Variants in COG5 observed in about 807,000 individuals in gnomAD.
The protein encoded by COG5 is conserved oligomeric Golgi complex subunit 5.
Under a neutral mutation model 110.4 loss-of-function variants are expected in COG5, and 86 were observed. That is an observed-to-expected ratio of 0.78 (90% CI 0.65 to 0.93). The LOEUF (loss-of-function observed/expected upper bound fraction) is 0.93. Ranked by LOEUF, COG5 falls within the 40% of genes least tolerant of loss-of-function variation. The probability of loss-of-function intolerance (pLI) is 0.00; values close to 1 mark genes in which losing one functional copy is unlikely to be tolerated. For synonymous variants in COG5, 360 were observed against 334.6 expected (o/e 1.08, Z -0.83); for missense variants, 1,077 against 987.0 (o/e 1.09, Z -1.22).
chr7:107,427,248 G>A (rs551547556), intron 6 of COG5, among the ~76,000 whole-genome samples: 6 of 152,248 alleles, frequency 3.9e-5, no homozygotes, highest in African/African-American at 9.6e-5. Flanking sequence ...AAACTACCAC[G>A]GACTTCAAGA....
At chr7:107,272,963 G>A (rs1193159660) in intron 14 of COG5, among the ~76,000 whole-genome samples, 1 of 152,166 alleles carries the variant, frequency 6.6e-6, no homozygotes, top group Non-Finnish European at 1.5e-5. Context: ...ATACTCAAAT[G>A]CAGAGTTTTA....
chr7:107,548,056 A>G lies in COG5; in HGVS notation c.417+55T>C, dbSNP rs973332482. ...AAACTCATACTCTTAAATTTTGTCC[A>G]CTTATGAAAACAAAATGAATAATAA... is the stretch of plus-strand genomic sequence containing the variant. On this transcript the variant is annotated intron_variant, in intron 5 of 21. Transcript: ENST00000297135. 9.0e-6 allele frequency: 13 copies of G among 1,438,182 alleles called. No individual in the cohort carries two copies. In the East Asian group the frequency reaches 1.4e-4, roughly 16 times the overall value. 89.1% of individuals were successfully genotyped at this position (1,438,182 alleles called of 1,614,324 possible). A position where few individuals can be genotyped will look rare whatever the true frequency, so the allele number is the denominator to read the frequency against.
intron 10 of COG5, among the ~76,000 whole-genome samples, chr7:107,340,460 C>A (rs1030314910): frequency 2.6e-5 from 4 of 152,010 alleles, no homozygotes; most frequent in Non-Finnish European, 5.9e-5. Context: ...GGGCTGGCAC[C>A]AATACTACTG....
intron 17 of COG5, among the ~76,000 whole-genome samples, chr7:107,239,877 G>C (rs779512342): frequency 5.9e-5 from 9 of 152,102 alleles, no homozygotes; most frequent in Non-Finnish European, 1.2e-4. Flanking sequence ...GTTCAGACTT[G>C]GTTTGTGGCC....
At chr7:107,246,593 A>C (rs1294308571) in intron 17 of COG5, among the ~76,000 whole-genome samples, 1 of 152,146 alleles carries the variant, frequency 6.6e-6, no homozygotes, top group African/African-American at 2.4e-5. Flanking sequence ...ACGAAGACAT[A>C]CATGCAGCCA....
At chr7:107,292,091 T>C (rs890364042) in intron 12 of COG5, among the ~76,000 whole-genome samples, 5 of 152,180 alleles carry the variant, frequency 3.3e-5, no homozygotes, top group Non-Finnish European at 5.9e-5. Context: ...AGCTGGAGTA[T>C]AGTGGTGTGA....
chr7:107,201,433 C>T lies in COG5; in HGVS notation c.*2083G>A. On this transcript the variant is annotated 3_prime_UTR_variant, in exon 22 of 22. Coordinates refer to ENST00000297135, the MANE Select transcript of COG5 (RefSeq NM_006348.5). ...CCACAGGGCTCACAACAACATTAAA[C>T]CAGGATGCTTATGTTCTTAAGTCTA... The T allele has an allele frequency of 1.3e-6, 2 of 1,573,352 alleles. No homozygotes were observed. Among genetic ancestry groups the T allele is most frequent in the Non-Finnish European group, 8.7e-7 (1 of 1,144,402 alleles).
chr7:107,393,910 T>C (rs1424012240), intron 7 of COG5, among the ~76,000 whole-genome samples: 1 of 152,140 alleles, frequency 6.6e-6, no homozygotes, highest in African/African-American at 2.4e-5. Flanking sequence ...ACCTCATAGA[T>C]TATAATATAA....
chr7:107,298,417 G>C, intron 11 of COG5, 71 bp from the exon 12 acceptor site: 4 of 1,298,064 alleles, frequency 3.1e-6, no homozygotes, highest in African/African-American at 2.9e-5. Flanking sequence ...TGCATATGAA[G>C]ATATGTTCCA....
chr7:107,453,291 T>C (rs945003749), intron 6 of COG5, among the ~76,000 whole-genome samples: 2 of 152,150 alleles, frequency 1.3e-5, no homozygotes, highest in African/African-American at 4.8e-5. Flanking sequence ...ACAATAGGAA[T>C]TTCAAGATTT....
chr7:107,541,523 A>AAAAAT lies in COG5; in HGVS notation c.417+6587_417+6588insATTTT, dbSNP rs60423657. On this transcript the variant is annotated intron_variant, in intron 5 of 21. Transcript: ENST00000297135. ...AAAAAAAAAAAAAAAAAAAAAAAAA[A>AAAAAT]ATATATATATATATATATATGTATT... 6.5e-4 allele frequency among the ~76,000 whole-genome samples: 37 copies of AAAAAT among 57,014 alleles called. 1 individual carries two copies. Among genetic ancestry groups the AAAAAT allele is most frequent in the African/African-American group, 1.9e-3 (29 of 14,962 alleles). 37.4% of individuals were successfully genotyped at this position (57,014 alleles called of 152,430 possible).
intron 11 of COG5, among the ~76,000 whole-genome samples, chr7:107,318,101 C>A (rs919659682): frequency 8.5e-5 from 13 of 152,170 alleles, no homozygotes; most frequent in East Asian, 1.9e-4. Flanking sequence ...CATCTCGGCT[C>A]ACTGCAACCT....
chr7:107,223,665 G>A (rs1020510464), intron 19 of COG5, among the ~76,000 whole-genome samples: 7 of 152,174 alleles, frequency 4.6e-5, no homozygotes, highest in African/African-American at 9.7e-5. Context: ...GATGATACAC[G>A]TAAGCATTCA....
At chr7:107,446,214 G>A (rs544120316) in intron 6 of COG5, among the ~76,000 whole-genome samples, 2 of 152,154 alleles carry the variant, frequency 1.3e-5, no homozygotes, top group African/African-American at 4.8e-5. Flanking sequence ...TTCAAAAATA[G>A]TAAGTCCTGA....
intron 21 of COG5, chr7:107,209,332 C>T: frequency 2.0e-6 from 1 of 504,980 alleles, no homozygotes; most frequent in Non-Finnish European, 2.6e-6. Flanking sequence ...ATTGTGACCT[C>T]CCAACCAAGA....
At chr7:107,504,878 A>G (rs529033622) in intron 6 of COG5, among the ~76,000 whole-genome samples, 20 of 152,002 alleles carry the variant, frequency 1.3e-4, no homozygotes, top group African/African-American at 4.6e-4. Flanking sequence ...GCTTATTTGA[A>G]TCTTCTTTTT....
At position 107,449,581 on chromosome 7, in the gene COG5, C is replaced by T. The variant is rs75068886; in HGVS notation, c.539-36949G>A. On this transcript the variant is annotated intron_variant, in intron 6 of 21. Transcript: ENST00000297135. ...ATTTTTCATAGTTTTTAATGCAATA[C>T]CATAAACCTTGAAAAACTTCATAGG... Among the ~76,000 whole-genome samples the T allele has an allele frequency of 5.9e-5, 9 of 152,234 alleles. No homozygotes were observed. In the East Asian group the frequency reaches 1.5e-3, roughly 26 times the overall value.
In COG5 at chr7:107,324,594, C is replaced by T. The variant is rs6466164; in HGVS notation, c.1027-73G>A. On this transcript the variant is annotated intron_variant, in intron 10 of 21. Transcript: ENST00000297135. The stretch of plus-strand genomic sequence containing the variant: ...TTTTAAGAAATCATAATGGGTAACA[C>T]GTAACCTTGAAAAGTTATTTAAAAT... The T allele has an allele frequency of 0.54, 422,854 of 785,502 alleles. 116,801 individuals are homozygous for T. The highest frequency in any genetic ancestry group is 0.85 in the African/African-American group (48,625 of 57,330). 48.7% of individuals were successfully genotyped at this position (785,502 alleles called of 1,614,324 possible). A position where few individuals can be genotyped will look rare whatever the true frequency, so the allele number is the denominator to read the frequency against.
chr7:107,295,092 TA>T (rs1562955788), intron 12 of COG5, among the ~76,000 whole-genome samples: 144 of 77,060 alleles, frequency 1.9e-3, no homozygotes, highest in African/African-American at 6.8e-3. Flanking sequence ...TATATATATA[TA>T]TATATATATT....
Sources: gnomAD v4.1 joint callset for allele counts (sites outside exome capture counted in the v4.1 genomes callset) on GRCh38, gnomAD v4.1.1 for gene constraint, MANE v1.5 for transcripts, NCBI Gene and HGNC (gene_info 2026-07-23, HGNC 2026-07-21) for gene names.